The following ARMH4 variants were observed in gnomAD, a reference collection of about 807,000 sequenced individuals.
ARMH4 encodes the protein armadillo-like helical domain-containing protein 4.
A neutral mutation model predicts 61.9 loss-of-function variants in ARMH4; 49 were observed. The observed-to-expected ratio is 0.79, with a 90% confidence interval of 0.63 to 1.00. ARMH4 has a LOEUF of 1.00. Among genes scored for constraint, ARMH4 ranks in the 50% least tolerant of loss-of-function variants. ARMH4 has a pLI of 0.00. For synonymous variants in ARMH4, 368 were observed against 341.5 expected, an observed-to-expected ratio of 1.08 and a Z score of -0.85; for missense variants, 934 against 930.0, an observed-to-expected ratio of 1.00 and a Z score of -0.06.
chr14:58,112,760 T>C (rs745552474), intron 4 of ARMH4, among the ~76,000 whole-genome samples: 2 of 152,192 alleles, frequency 1.3e-5, no homozygotes, highest in Non-Finnish European at 2.9e-5. Flanking sequence ...TTCTAGGTTA[T>C]TCGTTAATTT....
chr14:58,008,093 G>A (rs1315369754), intron 6 of ARMH4, among the ~76,000 whole-genome samples: 1 of 152,102 alleles, frequency 6.6e-6, no homozygotes, highest in Non-Finnish European at 1.5e-5. Context: ...AAATATGAAT[G>A]CCAGATTCCA....
chr14:58,012,420 G>C (rs539110889), intron 5 of ARMH4, among the ~76,000 whole-genome samples: 19 of 152,222 alleles, frequency 1.2e-4, no homozygotes, highest in African/African-American at 4.6e-4. Flanking sequence ...ATGATTAGTG[G>C]GGAGGTGTGG....
chr14:58,126,611 G>A (rs1026209114), intron 4 of ARMH4, among the ~76,000 whole-genome samples: 3 of 152,104 alleles, frequency 2.0e-5, no homozygotes, highest in Non-Finnish European at 2.9e-5. Flanking sequence ...TCTGCCCCAT[G>A]TATGGTGCCT....
At chr14:58,094,364 G>C (rs1885678596) in intron 5 of ARMH4, among the ~76,000 whole-genome samples, 1 of 150,186 alleles carries the variant, frequency 6.7e-6, no homozygotes, top group Non-Finnish European at 1.5e-5. Context: ...CTGTGCAAGG[G>C]GACTGAAATC....
intron 5 of ARMH4, among the ~76,000 whole-genome samples, chr14:58,070,905 T>C (rs1594738617): frequency 4.6e-5 from 7 of 152,284 alleles, no homozygotes; most frequent in Admixed American, 4.6e-4. Flanking sequence ...TTCTACTCTC[T>C]ATGTGCATGA....
At chr14:58,104,310 G>A (rs1433136181) in intron 4 of ARMH4, among the ~76,000 whole-genome samples, 1 of 152,168 alleles carries the variant, frequency 6.6e-6, no homozygotes, top group African/African-American at 2.4e-5. Context: ...GGATACAAGA[G>A]GAAAGCTTTC....
chr14:58,086,837 G>A (rs1450749056), intron 5 of ARMH4, among the ~76,000 whole-genome samples: 1 of 152,168 alleles, frequency 6.6e-6, no homozygotes, highest in Non-Finnish European at 1.5e-5. Flanking sequence ...GGGTTCCCAG[G>A]AAAGGCTTCG....
intron 1 of ARMH4, among the ~76,000 whole-genome samples, chr14:58,144,096 G>T (rs1566603543): frequency 6.6e-6 from 1 of 152,244 alleles, no homozygotes; most frequent in East Asian, 1.9e-4. Context: ...TTAAAAAAGA[G>T]AAAATGGCAA....
At chr14:58,134,180 T>A (rs1887224974) in intron 2 of ARMH4, among the ~76,000 whole-genome samples, 1 of 152,220 alleles carries the variant, frequency 6.6e-6, no homozygotes, top group Non-Finnish European at 1.5e-5. Context: ...TTAGAAAAGC[T>A]AAGGAGCATG....
intron 5 of ARMH4, among the ~76,000 whole-genome samples, chr14:58,047,528 T>C (rs1883983332): frequency 4.6e-5 from 7 of 152,144 alleles, no homozygotes; most frequent in Admixed American, 4.6e-4. Context: ...ACTGCACAGA[T>C]GAGAGAACTG....
chr14:58,102,116 C>T (rs1886002908), intron 4 of ARMH4, among the ~76,000 whole-genome samples: 1 of 152,182 alleles, frequency 6.6e-6, no homozygotes, highest in South Asian at 2.1e-4. Context: ...AAATTCTCAG[C>T]AGGAGACCAG....
intron 5 of ARMH4, among the ~76,000 whole-genome samples, chr14:58,067,339 C>T (rs1432248634): frequency 6.6e-6 from 1 of 152,138 alleles, no homozygotes; most frequent in Admixed American, 6.6e-5. Context: ...AGTGTCTGCC[C>T]TCCTGGAGCT....
At position 58,148,760 on chromosome 14, in the gene ARMH4, T is replaced by C. The variant is rs533604892; in HGVS notation, c.-57+3315A>G. Among the ~76,000 whole-genome samples the C allele has an allele frequency of 4.9e-4, 75 of 152,248 alleles. No homozygotes were observed. The South Asian group carries it at 0.015, about 30-fold the overall frequency. ...TGTTTTATTCAATACCTAGCCAATT[T>C]TGGCTACTTATTTAACTGTCACTCT... On this transcript the variant is annotated intron_variant, in intron 1 of 7. Transcript: ENST00000267485.
intron 4 of ARMH4, among the ~76,000 whole-genome samples, chr14:58,115,909 G>C (rs1289534544): frequency 6.6e-6 from 1 of 152,078 alleles, no homozygotes; most frequent in Non-Finnish European, 1.5e-5. Context: ...GCCTACTTGA[G>C]GGTGGAGGGT....
chr14:58,001,844 T>G lies in ARMH4; in HGVS notation c.*2892A>C, dbSNP rs1402986041. On this transcript the variant is annotated 3_prime_UTR_variant, in exon 8 of 8. Transcript: ENST00000267485. ...AAATTCTGGAAACACTGCCTCTCCC[T>G]CCGAGAAGAAGACCTAGTTCCTGCC... 6.6e-6 allele frequency: 1 copy of G among 152,076 alleles called. No homozygotes were observed. Among genetic ancestry groups the G allele is most frequent in the Admixed American group, 6.6e-5 (1 of 15,262 alleles). 9.4% of individuals were successfully genotyped at this position (152,076 alleles called of 1,614,324 possible). A position where few individuals can be genotyped will look rare whatever the true frequency, so the allele number is the denominator to read the frequency against.
rs139170056 is a variant in ARMH4 at position 58,124,352 on chromosome 14, C to A, written c.1831+7160G>T. On this transcript the variant is annotated intron_variant, in intron 4 of 7. Transcript: ENST00000267485. ...TACACAGATCCAAGGGACAAGCTTG[C>A]AACCCATGGCATACCTGAGTAAGGA... 9.8e-5 allele frequency among the ~76,000 whole-genome samples: 15 copies of A among 152,314 alleles called. 1 individual carries two copies. Among genetic ancestry groups the A allele is most frequent in the African/African-American group, 3.4e-4 (14 of 41,568 alleles).
chr14:58,105,481 G>A (rs1324538675), intron 4 of ARMH4, among the ~76,000 whole-genome samples: 1 of 152,142 alleles, frequency 6.6e-6, no homozygotes, highest in Non-Finnish European at 1.5e-5. Context: ...GAGGTCAGGA[G>A]ATTGAGACCA....
At chr14:58,048,561 C>T (rs1318542371) in intron 5 of ARMH4, among the ~76,000 whole-genome samples, 2 of 152,134 alleles carry the variant, frequency 1.3e-5, no homozygotes, top group African/African-American at 4.8e-5. Context: ...GCAGTCAGCA[C>T]TTTATGCTTG....
At chr14:58,012,081 C>A (rs759774886) in intron 6 of ARMH4, 38 bp downstream of exon 6, 26 of 1,408,506 alleles carry the variant, frequency 1.8e-5, no homozygotes, top group African/African-American at 2.9e-5. Flanking sequence ...GCTATATGCC[C>A]CTAAAAATAA....
Sources: gnomAD v4.1 joint callset for allele counts (sites outside exome capture counted in the v4.1 genomes callset) on GRCh38, gnomAD v4.1.1 for gene constraint, MANE v1.5 for transcripts, NCBI Gene and HGNC (gene_info 2026-07-23, HGNC 2026-07-21) for gene names.